Variants in PCDHA1 observed in about 807,000 individuals in gnomAD.
PCDHA1 encodes the protein protocadherin alpha 1, also known as protocadherin alpha-1.
A neutral mutation model predicts 61.3 loss-of-function variants in PCDHA1; 42 were observed. The ratio of observed to expected loss-of-function variants is 0.69; its 90% CI spans 0.54 to 0.89. The LOEUF is 0.89. Among genes scored for constraint, PCDHA1 ranks in the 40% least tolerant of loss-of-function variants. The probability of loss-of-function intolerance (pLI) is 0.00; values close to 1 mark genes in which losing one functional copy is unlikely to be tolerated. For missense variants in PCDHA1, 1,256 were observed against 1,235.3 expected (o/e 1.02, Z -0.25); for synonymous variants, 610 against 553.8 (o/e 1.10, Z -1.43).
At chr5:140,792,661 A>T (rs1761721866) in intron 1 of PCDHA1, among the ~76,000 whole-genome samples, 1 of 152,190 alleles carries the variant, frequency 6.6e-6, no homozygotes, top group African/African-American at 2.4e-5. Context: ...CGGTATAATT[A>T]ATTACCTTAT....
chr5:140,973,719 C>T (rs1184460895), intron 1 of PCDHA1, among the ~76,000 whole-genome samples: 8 of 152,228 alleles, frequency 5.3e-5, no homozygotes, highest in African/African-American at 1.7e-4. Flanking sequence ...TGAGCCATCA[C>T]ATGGGCATCT....
intron 1 of PCDHA1, among the ~76,000 whole-genome samples, chr5:140,793,769 CA>C (rs1436347237): frequency 9.2e-5 from 14 of 151,602 alleles, no homozygotes; most frequent in Admixed American, 7.9e-4. Context: ...GTAATTAACA[CA>C]AAAAAAGAGA....
At chr5:140,830,011 G>A (rs554678736) in intron 1 of PCDHA1, 2 of 1,613,794 alleles carry the variant, frequency 1.2e-6, no homozygotes, top group African/African-American at 1.3e-5. Flanking sequence ...TGGACGAAGC[G>A]GACTCTCCGC....
At chr5:140,846,919 T>C (rs1554141550) in intron 1 of PCDHA1, among the ~76,000 whole-genome samples, 1 of 149,698 alleles carries the variant, frequency 6.7e-6, no homozygotes, top group African/African-American at 2.4e-5. Context: ...CATTTCCTAT[T>C]TGAATTTTTG....
intron 1 of PCDHA1, chr5:140,858,899 C>G (rs1236968449): frequency 4.9e-6 from 1 of 203,942 alleles, no homozygotes; most frequent in South Asian, 8.1e-5. Context: ...ATATGTGTAG[C>G]GTACCACAGC....
At chr5:140,793,946 T>C (rs1391552389) in intron 1 of PCDHA1, among the ~76,000 whole-genome samples, 1 of 152,242 alleles carries the variant, frequency 6.6e-6, no homozygotes, top group Non-Finnish European at 1.5e-5. Context: ...TATATACACA[T>C]ATATTTTCAA....
rs1311209449 is a variant in PCDHA1, at chr5:141,010,944, A to G, written c.*1007A>G. On this transcript the variant is annotated 3_prime_UTR_variant, in exon 4 of 4. Transcript: ENST00000504120. ...GAGAATTCAGTCTACAGCCATTTAA[A>G]TGATCATTGCTGCTACAGAAGTGCT... 6.5e-6 allele frequency: 1 copy of G among 153,776 alleles called. No individual in the cohort carries two copies. The highest frequency in any genetic ancestry group is 2.4e-5 in the African/African-American group (1 of 41,450). 9.5% of individuals were successfully genotyped at this position (153,776 alleles called of 1,614,324 possible).
At chr5:140,790,704 A>C (rs1468506365) in intron 1 of PCDHA1, among the ~76,000 whole-genome samples, 1 of 152,232 alleles carries the variant, frequency 6.6e-6, no homozygotes, top group Non-Finnish European at 1.5e-5. Context: ...GTGTCCCCAA[A>C]GCTTCATTTG....
chr5:140,956,189 A>C (rs2095264873), intron 1 of PCDHA1, among the ~76,000 whole-genome samples: 1 of 152,142 alleles, frequency 6.6e-6, no homozygotes, highest in South Asian at 2.1e-4. Context: ...ACTATGCTGA[A>C]TAGGAGTGGT....
intron 1 of PCDHA1, among the ~76,000 whole-genome samples, chr5:140,947,834 A>G (rs2094182215): frequency 6.6e-6 from 1 of 151,584 alleles, no homozygotes; most frequent in Non-Finnish European, 1.5e-5. Flanking sequence ...CAATATTAAT[A>G]TTTGTTTATT....
intron 1 of PCDHA1, chr5:140,823,750 A>G (rs2150128815): frequency 2.0e-5 from 32 of 1,613,782 alleles, no homozygotes; most frequent in Non-Finnish European, 2.5e-5. Flanking sequence ...GCCCCCGCTG[A>G]CAGCCACAGC....
In PCDHA1 at chr5:140,997,052, G is replaced by A. The variant is rs1410360967; in HGVS notation, c.2543-12575G>A. On this transcript the variant is annotated intron_variant, in intron 3 of 3. Transcript: ENST00000504120. ...AAATTAATGAACTTTACTTTTTAGAGCAGTTTTAGGTTCACAGGAAAGTTG... is the reference window on the plus strand; with the variant it reads ...AAATTAATGAACTTTACTTTTTAGAACAGTTTTAGGTTCACAGGAAAGTTG... Among the ~76,000 whole-genome samples, 5 of 152,148 alleles carry A rather than the reference G, an allele frequency of 3.3e-5. No homozygotes were observed. The East Asian group carries it at 9.6e-4, about 29-fold the overall frequency.
intron 1 of PCDHA1, chr5:140,816,337 C>T (rs1459118392): frequency 6.6e-6 from 1 of 152,084 alleles, no homozygotes; most frequent in Non-Finnish European, 1.5e-5. Context: ...TTCTTCAGTT[C>T]CAAAATTTCT....
rs1214693088 is a variant in PCDHA1, at chr5:140,904,196, C to T, written c.2395-74753C>T. Among the ~76,000 whole-genome samples the T allele has an allele frequency of 1.1e-4, 17 of 152,034 alleles. No homozygotes were observed. In the East Asian group the frequency reaches 3.3e-3, roughly 29 times the overall value. On this transcript the variant is annotated intron_variant, in intron 1 of 3. Transcript: ENST00000504120. ...TTCCTCACCCCCTTCCCACCCTTTC[C>T]CCCTAAGTCCCCAAAGTCCATTGTA... is the stretch of plus-strand genomic sequence containing the variant.
chr5:140,804,734 C>T (rs1234342011), intron 1 of PCDHA1: 3 of 198,990 alleles, frequency 1.5e-5, no homozygotes, highest in African/African-American at 7.0e-5. Context: ...ACTACCCCTA[C>T]ATATTTGGTT....
At chr5:140,809,219 GCCT>G (rs1554125089) in intron 1 of PCDHA1, 8 of 1,614,078 alleles carry the variant, frequency 5.0e-6, no homozygotes. Context: ...GGCGCCAAAG[GCCT>G]CCTCACGGGC....
intron 1 of PCDHA1, among the ~76,000 whole-genome samples, chr5:140,963,188 G>A (rs1333064851): frequency 6.6e-6 from 1 of 151,712 alleles, no homozygotes; most frequent in African/African-American, 2.4e-5. Context: ...GCTGTAGACT[G>A]TGAAAATGAA....
intron 1 of PCDHA1, chr5:140,794,887 G>A: frequency 1.4e-6 from 2 of 1,428,324 alleles, no homozygotes; most frequent in Non-Finnish European, 1.9e-6. Flanking sequence ...GAAGCAGCAG[G>A]ACTTTAACAG....
intron 1 of PCDHA1, chr5:140,849,420 G>A: frequency 6.4e-7 from 1 of 1,572,968 alleles, no homozygotes; most frequent in Non-Finnish European, 8.7e-7. Context: ...AGGACATATG[G>A]ATTTTGAAGA....
Sources: gnomAD v4.1 joint callset for allele counts (sites outside exome capture counted in the v4.1 genomes callset) on GRCh38, gnomAD v4.1.1 for gene constraint, MANE v1.5 for transcripts, NCBI Gene and HGNC (gene_info 2026-07-23, HGNC 2026-07-21) for gene names.